SNTG1: variants seen among roughly 807,000 people sequenced by gnomAD.
SNTG1 encodes the protein gamma-1-syntrophin.
A neutral mutation model predicts 74.7 loss-of-function variants in SNTG1; 39 were observed. That is an observed-to-expected ratio of 0.52 (90% confidence interval 0.40 to 0.68). SNTG1 has a LOEUF of 0.68. Among genes scored for constraint, SNTG1 ranks in the 30% least tolerant of loss-of-function variants. The pLI is 0.00. For synonymous variants in SNTG1, 254 were observed against 217.1 expected, an observed-to-expected ratio of 1.17 and a Z score of -1.49; for missense variants, 685 against 609.5, an observed-to-expected ratio of 1.12 and a Z score of -1.30.
chr8:50,654,162 T>C (rs1056505578), intron 13 of SNTG1, among the ~76,000 whole-genome samples: 4 of 152,190 alleles, frequency 2.6e-5, no homozygotes, highest in African/African-American at 9.6e-5. Flanking sequence ...TCTTTCAATA[T>C]ATCTTCTGTT....
At chr8:50,747,015 A>G (rs2095556623) in intron 17 of SNTG1, among the ~76,000 whole-genome samples, 1 of 151,548 alleles carries the variant, frequency 6.6e-6, no homozygotes, top group Admixed American at 6.6e-5. Context: ...TGCAGATTGT[A>G]TGCTATCTAA....
chr8:50,497,358 ATTTC>A (rs1309283311), intron 8 of SNTG1, among the ~76,000 whole-genome samples: 2 of 151,880 alleles, frequency 1.3e-5, no homozygotes, highest in Non-Finnish European at 2.9e-5. Flanking sequence ...TCATACCATT[ATTTC>A]TTTTTGTTTA....
chr8:50,059,367 CA>C (rs941573901), intron 1 of SNTG1, among the ~76,000 whole-genome samples: 7 of 152,074 alleles, frequency 4.6e-5, no homozygotes, highest in African/African-American at 1.7e-4. Context: ...GCTTATAACT[CA>C]CTCGTTTGAA....
At chr8:50,338,112 C>T (rs1039183864) in intron 2 of SNTG1, among the ~76,000 whole-genome samples, 6 of 150,586 alleles carry the variant, frequency 4.0e-5, no homozygotes, top group South Asian at 2.1e-4. Context: ...CCAGACTGGG[C>T]GACAGAGCAA....
intron 12 of SNTG1, among the ~76,000 whole-genome samples, chr8:50,584,711 A>G (rs142465929): frequency 6.6e-6 from 1 of 152,052 alleles, no homozygotes; most frequent in African/African-American, 2.4e-5. Flanking sequence ...CTGGAAAGAA[A>G]CTTGATTGCT....
intron 2 of SNTG1, among the ~76,000 whole-genome samples, chr8:50,220,335 G>C (rs922023128): frequency 9.9e-5 from 15 of 152,110 alleles, no homozygotes; most frequent in Admixed American, 7.2e-4. Context: ...CTGAAGCACT[G>C]TCTACTTCCT....
intron 17 of SNTG1, among the ~76,000 whole-genome samples, chr8:50,724,481 T>G (rs117552685): frequency 6.6e-6 from 1 of 152,306 alleles, no homozygotes; most frequent in Non-Finnish European, 1.5e-5. Flanking sequence ...TTGGTTCACC[T>G]GTAAGATTAT....
intron 8 of SNTG1, among the ~76,000 whole-genome samples, chr8:50,497,526 A>G (rs1412530691): frequency 6.6e-6 from 1 of 152,034 alleles, no homozygotes. Context: ...TAATGTCAAT[A>G]CAAATACATA....
In SNTG1 at chr8:50,704,588, G is replaced by C. The variant is rs1217697975; in HGVS notation, c.1039-12G>C. ...ATGTGTGCCAGCCTGTGTAACTCCAGGTTTTCACCAGGACAGTGACCTGCT... is the reference window on the plus strand; with the variant it reads ...ATGTGTGCCAGCCTGTGTAACTCCACGTTTTCACCAGGACAGTGACCTGCT... On this transcript the variant is annotated splice_polypyrimidine_tract_variant and intron_variant, in intron 15 of 18. Coordinates refer to ENST00000642720, the MANE Select transcript of SNTG1 (RefSeq NM_018967.5). 1 of 1,614,046 alleles carries C rather than the reference G, an allele frequency of 6.2e-7. No individual in the cohort carries two copies. Among genetic ancestry groups the C allele is most frequent in the Admixed American group, 1.7e-5 (1 of 60,018 alleles).
At chr8:50,143,852 A>G (rs2081762444) in intron 1 of SNTG1, among the ~76,000 whole-genome samples, 1 of 152,226 alleles carries the variant, frequency 6.6e-6, no homozygotes, top group South Asian at 2.1e-4. Flanking sequence ...AAAACTTGGA[A>G]TACAGCTACA....
At chr8:50,591,690 T>C (rs1001125492) in intron 13 of SNTG1, among the ~76,000 whole-genome samples, 2 of 152,234 alleles carry the variant, frequency 1.3e-5, no homozygotes, top group Non-Finnish European at 2.9e-5. Flanking sequence ...GTAGAAATTG[T>C]ATCATTAATG....
At chr8:50,627,557 G>C (rs148421450) in intron 13 of SNTG1, among the ~76,000 whole-genome samples, 1 of 151,970 alleles carries the variant, frequency 6.6e-6, no homozygotes, top group African/African-American at 2.4e-5. Flanking sequence ...CCCAGTGTTA[G>C]GCATTCTGTT....
At chr8:50,049,991 T>C (rs945208904) in intron 1 of SNTG1, among the ~76,000 whole-genome samples, 3 of 151,980 alleles carry the variant, frequency 2.0e-5, no homozygotes, top group African/African-American at 7.2e-5. Context: ...GCACAGAATG[T>C]ATATATTATA....
chr8:50,222,526 A>G (rs981965826), intron 2 of SNTG1, among the ~76,000 whole-genome samples: 9 of 152,186 alleles, frequency 5.9e-5, no homozygotes, highest in African/African-American at 1.9e-4. Flanking sequence ...CTGAAAATAT[A>G]TGATAAAGTG....
chr8:50,342,281 AC>A (rs1166537596), intron 2 of SNTG1, among the ~76,000 whole-genome samples: 1 of 151,752 alleles, frequency 6.6e-6, no homozygotes. Context: ...ATACTTAAGC[AC>A]AGTTGTGAAA....
At chr8:49,975,441 C>T (rs182250156) in intron 1 of SNTG1, among the ~76,000 whole-genome samples, 4 of 152,236 alleles carry the variant, frequency 2.6e-5, no homozygotes, top group African/African-American at 9.6e-5. Context: ...TTCGATTAAT[C>T]GCCACAACAT....
intron 2 of SNTG1, among the ~76,000 whole-genome samples, chr8:50,369,134 C>A (rs2092204075): frequency 6.6e-6 from 1 of 152,024 alleles, no homozygotes; most frequent in Non-Finnish European, 1.5e-5. Context: ...TTTGGGGGAA[C>A]CAAGGGAAGA....
intron 13 of SNTG1, among the ~76,000 whole-genome samples, chr8:50,605,273 T>C (rs969355939): frequency 1.3e-5 from 2 of 151,680 alleles, no homozygotes; most frequent in Non-Finnish European, 2.9e-5. Flanking sequence ...GTCAGGTGTT[T>C]CCCTGTTCCA....
intron 13 of SNTG1, among the ~76,000 whole-genome samples, chr8:50,630,294 A>G (rs1476362559): frequency 1.3e-5 from 2 of 152,204 alleles, no homozygotes; most frequent in Non-Finnish European, 2.9e-5. Context: ...AGAAAAAGGT[A>G]GGCTTACCTT....
Sources: gnomAD v4.1 joint callset for allele counts (sites outside exome capture counted in the v4.1 genomes callset) on GRCh38, gnomAD v4.1.1 for gene constraint, MANE v1.5 for transcripts, NCBI Gene and HGNC (gene_info 2026-07-23, HGNC 2026-07-21) for gene names.